SLC12A8: variants seen among roughly 807,000 people sequenced by gnomAD.
The protein encoded by SLC12A8 is solute carrier family 12 member 8.
In SLC12A8, 69 loss-of-function variants were observed where a neutral mutation model predicts 75.6. That is an observed-to-expected ratio of 0.91 (90% CI 0.75 to 1.11). The LOEUF is 1.11. SLC12A8 is among the 50% of genes most tolerant of loss of function. SLC12A8 has a pLI of 0.00. For synonymous variants in SLC12A8, 365 were observed against 372.8 expected (o/e 0.98, Z 0.24); for missense variants, 877 against 896.7 (o/e 0.98, Z 0.28).
chr3:125,139,731 G>T (rs1432551979), intron 5 of SLC12A8, among the ~76,000 whole-genome samples: 1 of 152,186 alleles, frequency 6.6e-6, no homozygotes, highest in African/African-American at 2.4e-5. Flanking sequence ...AGGTCAGTGG[G>T]TCACACCCAG....
At chr3:125,089,110 T>TA (rs1938528530) in intron 12 of SLC12A8, among the ~76,000 whole-genome samples, 1 of 152,214 alleles carries the variant, frequency 6.6e-6, no homozygotes. Context: ...ATTGATTGAT[T>TA]AGATAATGTT....
chr3:125,145,622 C>A (rs1162814603), intron 5 of SLC12A8, among the ~76,000 whole-genome samples: 1 of 152,170 alleles, frequency 6.6e-6, no homozygotes. Context: ...CCAAAACCCT[C>A]AGTGGAGGCC....
intron 13 of SLC12A8, among the ~76,000 whole-genome samples, chr3:125,085,634 G>A (rs59335312): frequency 1.3e-5 from 2 of 152,286 alleles, no homozygotes; most frequent in African/African-American, 4.8e-5. Flanking sequence ...CTGGAGTGCA[G>A]TGGTTGATCT....
chr3:125,109,730 A>G (rs1248423798), intron 9 of SLC12A8, among the ~76,000 whole-genome samples: 1 of 152,152 alleles, frequency 6.6e-6, no homozygotes, highest in East Asian at 1.9e-4. Context: ...TGTAGACGCC[A>G]GAGGTGTAGG....
At chr3:125,161,697 AT>A (rs1934178776) in intron 5 of SLC12A8, among the ~76,000 whole-genome samples, 1 of 150,082 alleles carries the variant, frequency 6.7e-6, no homozygotes, top group East Asian at 1.9e-4. Context: ...AAAAAAAAAA[AT>A]CTAAGGAACA....
chr3:125,197,012 C>A (rs756988657), intron 2 of SLC12A8, among the ~76,000 whole-genome samples: 2 of 152,188 alleles, frequency 1.3e-5, no homozygotes, highest in Non-Finnish European at 2.9e-5. Context: ...TTCTAAATAT[C>A]ATTCTTCACT....
intron 10 of SLC12A8, among the ~76,000 whole-genome samples, chr3:125,100,273 A>C (rs1482225475): frequency 6.6e-6 from 1 of 152,222 alleles, no homozygotes; most frequent in Non-Finnish European, 1.5e-5. Context: ...TTGATGAAAA[A>C]CTTTAATCAA....
chr3:125,170,115 G>A (rs927967768), intron 5 of SLC12A8, among the ~76,000 whole-genome samples: 3 of 152,142 alleles, frequency 2.0e-5, no homozygotes, highest in Non-Finnish European at 4.4e-5. Context: ...CCCATCACAT[G>A]ACAGAAACTT....
Position 125,173,517 on chromosome 3 carries a change from A to T in SLC12A8, c.622+4226T>A, listed in dbSNP as rs551680667. Among the ~76,000 whole-genome samples the T allele has an allele frequency of 2.7e-3, 409 of 151,802 alleles. 3 individuals carry two copies. Among genetic ancestry groups the T allele is most frequent in the Non-Finnish European group, 4.6e-3 (314 of 67,926 alleles). On this transcript the variant is annotated intron_variant, in intron 5 of 13. Transcript: ENST00000469902. ...ACTCATCTTACACCCTTCACAAAAT[A>T]TTAACTCAATCTGGATCATAGACCT...
intron 8 of SLC12A8, among the ~76,000 whole-genome samples, chr3:125,112,307 C>G (rs1560055301): frequency 6.6e-6 from 1 of 152,176 alleles, no homozygotes; most frequent in Admixed American, 6.5e-5. Flanking sequence ...TCGCAGATTT[C>G]TTGGGTTTGT....
intron 5 of SLC12A8, among the ~76,000 whole-genome samples, chr3:125,173,256 T>G (rs916703542): frequency 6.6e-6 from 1 of 152,080 alleles, no homozygotes. Context: ...ACTTTAAGAC[T>G]TACTATAAAG....
At chr3:125,123,903 A>G (rs12486816) in intron 6 of SLC12A8, among the ~76,000 whole-genome samples, 20,174 of 152,138 alleles carry the variant, frequency 0.13, 1,839 homozygotes, top group East Asian at 0.36. Context: ...TTTATACAGA[A>G]GTTAACCCAT....
At chr3:125,119,479 T>C (rs1932994335) in intron 7 of SLC12A8, among the ~76,000 whole-genome samples, 1 of 152,236 alleles carries the variant, frequency 6.6e-6, no homozygotes, top group South Asian at 2.1e-4. Context: ...CCCTGTAACC[T>C]TGAACAAGAC....
chr3:125,124,986 G>A (rs860112), intron 6 of SLC12A8, among the ~76,000 whole-genome samples: 23,554 of 152,062 alleles, frequency 0.15, 2,367 homozygotes, highest in East Asian at 0.42. Context: ...TGAAAATAAG[G>A]TTGGGAAAAC....
intron 6 of SLC12A8, among the ~76,000 whole-genome samples, chr3:125,133,772 T>C (rs993776403): frequency 6.6e-6 from 1 of 152,046 alleles, no homozygotes. Flanking sequence ...AGGGTCTCAC[T>C]ATGTTGCCCA....
rs1396138743 is a variant in SLC12A8, at chr3:125,082,932, A to G, written c.*958T>C. On this transcript the variant is annotated 3_prime_UTR_variant, in exon 14 of 14. Coordinates refer to ENST00000469902, the MANE Select transcript of SLC12A8 (RefSeq NM_024628.6). ...AATTGATATGAAATGTCTCCAAGAT[A>G]GATTGTTAAGGGAAAAAAGCAAGGT... 1 of 152,254 alleles carries G rather than the reference A, an allele frequency of 6.6e-6. No individual in the cohort carries two copies. The highest frequency in any genetic ancestry group is 1.5e-5 in the Non-Finnish European group (1 of 68,034). The allele number at this position is 152,254 out of a possible 1,614,324, so 9.4% of individuals were successfully genotyped here.
intron 5 of SLC12A8, among the ~76,000 whole-genome samples, chr3:125,176,282 G>T (rs1934525638): frequency 6.6e-6 from 1 of 152,092 alleles, no homozygotes; most frequent in South Asian, 2.1e-4. Context: ...TGTTGGTCAG[G>T]CTGGTCTCAA....
chr3:125,207,842 G>A (rs1449572544), intron 2 of SLC12A8, among the ~76,000 whole-genome samples: 2 of 152,142 alleles, frequency 1.3e-5, no homozygotes, highest in Non-Finnish European at 2.9e-5. Context: ...AGCCTACTCC[G>A]CTGGGCTTCT....
At chr3:125,110,999 GTTAAACTCCTAA>G (rs1939173841) in intron 8 of SLC12A8, among the ~76,000 whole-genome samples, 3 of 152,238 alleles carry the variant, frequency 2.0e-5, no homozygotes, top group South Asian at 4.2e-4. Flanking sequence ...CTCATTGTCT[GTTAAACTCCTAA>G]TTGTGCTACA....
Sources: gnomAD v4.1 joint callset for allele counts (sites outside exome capture counted in the v4.1 genomes callset) on GRCh38, gnomAD v4.1.1 for gene constraint, MANE v1.5 for transcripts, NCBI Gene and HGNC (gene_info 2026-07-23, HGNC 2026-07-21) for gene names.